Variants in WDR64 observed in about 807,000 individuals in gnomAD.
WDR64 encodes WD repeat domain 64, also known as WD repeat-containing protein 64.
Under a neutral mutation model 139.3 loss-of-function variants are expected in WDR64, and 112 were observed. The ratio of observed to expected loss-of-function variants is 0.80; its 90% CI spans 0.69 to 0.94. WDR64 has a LOEUF of 0.94. Ranked by LOEUF, WDR64 falls within the 40% of genes least tolerant of loss-of-function variation. The pLI is 0.00. For missense variants in WDR64, 1,206 were observed against 1,293.1 expected, an observed-to-expected ratio of 0.93 and a Z score of 1.03; for synonymous variants, 444 against 437.7, an observed-to-expected ratio of 1.01 and a Z score of -0.18.
chr1:241,762,712 G>C (rs903473119), intron 15 of WDR64, among the ~76,000 whole-genome samples: 4 of 150,872 alleles, frequency 2.7e-5, no homozygotes, highest in Non-Finnish European at 4.4e-5. Flanking sequence ...CCTGACATTA[G>C]CAAAACAACC....
intron 15 of WDR64, among the ~76,000 whole-genome samples, chr1:241,765,659 A>G (rs562892514): frequency 8.5e-5 from 13 of 152,356 alleles, no homozygotes; most frequent in African/African-American, 2.6e-4. Flanking sequence ...CCTCCGATAC[A>G]GCACTTTCAC....
chr1:241,686,822 T>C (rs1474475448), intron 7 of WDR64, among the ~76,000 whole-genome samples: 2 of 152,158 alleles, frequency 1.3e-5, no homozygotes, highest in Admixed American at 1.3e-4. Flanking sequence ...TCAAATAAGA[T>C]ATAAAAGAAT....
intron 14 of WDR64, among the ~76,000 whole-genome samples, chr1:241,757,059 G>T (rs564201314): frequency 3.1e-4 from 47 of 152,214 alleles, no homozygotes; most frequent in African/African-American, 1.1e-3. Context: ...TGTATATGTA[G>T]AAATATTAAA....
chr1:241,749,415 A>G, intron 13 of WDR64, 132 bp from the exon 14 acceptor site: 1 of 1,029,104 alleles, frequency 9.7e-7, no homozygotes, highest in East Asian at 2.4e-5. Context: ...AGACTCACCC[A>G]TCTGAGTAGG....
At chr1:241,755,573 A>T (rs1670156909) in intron 14 of WDR64, among the ~76,000 whole-genome samples, 1 of 152,042 alleles carries the variant, frequency 6.6e-6, no homozygotes. Context: ...ATTAGATCTT[A>T]TTTGTCAATT....
chr1:241,694,213 T>G (rs932842865), intron 8 of WDR64, among the ~76,000 whole-genome samples: 3 of 152,156 alleles, frequency 2.0e-5, no homozygotes, highest in Non-Finnish European at 4.4e-5. Context: ...AATTAGAAAT[T>G]TAATGGAAGA....
chr1:241,775,567 C>T (rs1658629503), intron 21 of WDR64, among the ~76,000 whole-genome samples: 1 of 147,546 alleles, frequency 6.8e-6, no homozygotes. Context: ...GAAATCATGC[C>T]ATAAATTAGA....
intron 8 of WDR64, among the ~76,000 whole-genome samples, chr1:241,706,577 T>C (rs1435922286): frequency 6.6e-6 from 1 of 152,226 alleles, no homozygotes; most frequent in Non-Finnish European, 1.5e-5. Flanking sequence ...GTTACTAAAT[T>C]GAGACTCCTT....
At position 241,703,166 on chromosome 1, in the gene WDR64, C is replaced by T. The variant is rs1667792842; in HGVS notation, c.975-8636C>T. On this transcript the variant is annotated intron_variant, in intron 8 of 27. Transcript: ENST00000437684. This position sits in a 1 kb window ranked among gnomAD's most constrained non-coding sequence, Gnocchi z 5.9. ...CCTCATTCCCCACCAACTACCTCAC[C>T]GTCACCGGGAGAAAATATCGAGGGA... Among the ~76,000 whole-genome samples the T allele has an allele frequency of 6.6e-6, 1 of 152,124 alleles. No homozygotes were observed. The highest frequency in any genetic ancestry group is 2.4e-5 in the African/African-American group (1 of 41,412).
rs1287779801 is a variant in WDR64 at position 241,703,252 on chromosome 1, C to T, written c.975-8550C>T. On this transcript the variant is annotated intron_variant, in intron 8 of 27. Coordinates refer to ENST00000437684, the MANE Select transcript of WDR64 (RefSeq NM_001367482.1). This position sits in a 1 kb window ranked among gnomAD's most constrained non-coding sequence, Gnocchi z 5.9. ...CACACAGTTCCCCTGGGATGCTTCC[C>T]GTCTGCAGCATTGCCTTCCATTCAG... Among the ~76,000 whole-genome samples, 2 of 152,140 alleles carry T rather than the reference C, an allele frequency of 1.3e-5. No homozygotes were observed. The highest frequency in any genetic ancestry group is 2.1e-4 in the South Asian group (1 of 4,804).
intron 8 of WDR64, among the ~76,000 whole-genome samples, chr1:241,700,303 G>C (rs1285203261): frequency 6.6e-6 from 1 of 150,796 alleles, no homozygotes; most frequent in African/African-American, 2.4e-5. Flanking sequence ...TTCTCTCTCT[G>C]TCCCTACTTC....
chr1:241,655,184 A>C (rs183083979), intron 1 of WDR64, among the ~76,000 whole-genome samples: 85 of 152,256 alleles, frequency 5.6e-4, no homozygotes, highest in African/African-American at 2.0e-3. Context: ...GGAGTTCAAG[A>C]CCAGCCTTGC....
Position 241,788,041 on chromosome 1 carries a change from C to G in WDR64, c.2891+7C>G. ...TGATATTTGACCGGGAAAAGTAAGACCATTAGCTCTTCTTTAGATAAGCAT... is the reference window on the plus strand; with the variant it reads ...TGATATTTGACCGGGAAAAGTAAGAGCATTAGCTCTTCTTTAGATAAGCAT... On this transcript the variant is annotated splice_region_variant and intron_variant, in intron 24 of 27. Transcript: ENST00000437684. 1 of 1,570,490 alleles carries G rather than the reference C, an allele frequency of 6.4e-7. No individual in the cohort carries two copies. Among genetic ancestry groups the G allele is most frequent in the Non-Finnish European group, 8.6e-7 (1 of 1,162,660 alleles).
intron 23 of WDR64, among the ~76,000 whole-genome samples, chr1:241,787,633 C>G (rs1659085571): frequency 6.9e-6 from 1 of 145,374 alleles, no homozygotes; most frequent in Non-Finnish European, 1.5e-5. Context: ...CCATTGCACT[C>G]TAGCCTGGGC....
At chr1:241,766,193 G>T (rs759921611) in intron 15 of WDR64, 25 bp from the exon 16 acceptor site, 2 of 1,610,786 alleles carry the variant, frequency 1.2e-6, no homozygotes, top group Non-Finnish European at 1.7e-6. Context: ...TATATTTATG[G>T]TGTTCTGTTT....
intron 2 of WDR64, among the ~76,000 whole-genome samples, chr1:241,670,445 C>T (rs776639218): frequency 2.0e-5 from 3 of 151,694 alleles, no homozygotes; most frequent in Non-Finnish European, 4.4e-5. Context: ...AGCTGGGGCC[C>T]TGCATGATGA....
chr1:241,784,953 G>GAAAAAAAAAAA (rs58720618), intron 23 of WDR64, among the ~76,000 whole-genome samples: 104 of 62,222 alleles, frequency 1.7e-3, no homozygotes, highest in South Asian at 8.1e-3. Flanking sequence ...GACTCTGTCT[G>GAAAAAAAAAAA]AAAAAAAAAA....
intron 1 of WDR64, among the ~76,000 whole-genome samples, chr1:241,653,413 T>A (rs1049867835): frequency 1.3e-5 from 2 of 152,228 alleles, no homozygotes; most frequent in African/African-American, 4.8e-5. Flanking sequence ...CAAGCTGGTA[T>A]TAATTGAATA....
chr1:241,746,583 A>G (rs12759181), intron 13 of WDR64, among the ~76,000 whole-genome samples: 1,698 of 151,450 alleles, frequency 0.011, 21 homozygotes, highest in Non-Finnish European at 0.019. Flanking sequence ...AAAAAAAAAA[A>G]TTTTCAACAG....
Sources: allele counts gnomAD v4.1 joint callset (sites outside exome capture counted in the v4.1 genomes callset), GRCh38; gene constraint gnomAD v4.1.1; non-coding constraint Gnocchi (gnomAD v3.1); transcripts MANE v1.5; gene names NCBI Gene and HGNC (gene_info 2026-07-23, HGNC 2026-07-21).